Variants in KALRN observed in about 807,000 individuals in gnomAD.
KALRN encodes the protein kalirin RhoGEF kinase, also known as kalirin.
In KALRN, 70 loss-of-function variants were observed where a neutral mutation model predicts 353.7. The ratio of observed to expected loss-of-function variants is 0.20; its 90% confidence interval spans 0.16 to 0.24. KALRN has a LOEUF of 0.24. KALRN is among the 10% of genes least tolerant of loss of function. The pLI, the probability that KALRN is intolerant of heterozygous loss-of-function variation, is 1.00. For synonymous variants in KALRN, 1,391 were observed against 1,434.8 expected (o/e 0.97, Z 0.69); for missense variants, 2,791 against 3,756.7 (o/e 0.74, Z 6.72).
At chr3:124,260,227 T>C (rs1392861617) in intron 3 of KALRN, among the ~76,000 whole-genome samples, 3 of 152,216 alleles carry the variant, frequency 2.0e-5, no homozygotes, top group Non-Finnish European at 4.4e-5. Context: ...AAATAAAACA[T>C]GTTCTGTCCT....
intron 29 of KALRN, among the ~76,000 whole-genome samples, chr3:124,489,972 T>G (rs2062970119): frequency 1.3e-5 from 2 of 152,176 alleles, no homozygotes; most frequent in Non-Finnish European, 2.9e-5. Context: ...AAATGGAATA[T>G]AAGAATTAAG....
At chr3:124,213,376 T>C (rs1320109132) in intron 1 of KALRN, among the ~76,000 whole-genome samples, 1 of 152,132 alleles carries the variant, frequency 6.6e-6, no homozygotes, top group Non-Finnish European at 1.5e-5. Context: ...CAGATCTGTA[T>C]TAGGGCTATG....
chr3:124,660,680 C>CAAAAAAA (rs5852424), intron 43 of KALRN, among the ~76,000 whole-genome samples: 5 of 93,792 alleles, frequency 5.3e-5, no homozygotes, highest in African/African-American at 1.6e-4. Context: ...GACTATGTCT[C>CAAAAAAA]AAAAAAAAAA....
intron 1 of KALRN, among the ~76,000 whole-genome samples, chr3:124,121,742 A>G (rs2064047394): frequency 6.6e-6 from 1 of 152,220 alleles, no homozygotes; most frequent in Admixed American, 6.5e-5. Flanking sequence ...GGAATTCTCC[A>G]TAAGGCCATT....
chr3:124,348,326 TCACCCAGGGAGGCTCC>T (rs376603158), intron 10 of KALRN, among the ~76,000 whole-genome samples: 7 of 152,310 alleles, frequency 4.6e-5, no homozygotes, highest in African/African-American at 1.4e-4. Flanking sequence ...GCCCTGGGCC[TCACCCAGGGAGGCTCC>T]CAGCCCCAGA....
intron 10 of KALRN, among the ~76,000 whole-genome samples, chr3:124,366,256 G>T (rs2084678285): frequency 6.8e-6 from 1 of 148,116 alleles, no homozygotes; most frequent in South Asian, 2.2e-4. Context: ...TCACAGAGGG[G>T]GATTTGCCAG....
At chr3:124,432,683 A>G (rs753649986) in intron 16 of KALRN, among the ~76,000 whole-genome samples, 14 of 152,232 alleles carry the variant, frequency 9.2e-5, no homozygotes, top group Non-Finnish European at 1.5e-4. Flanking sequence ...ATGTATTCAC[A>G]GTGCTTGAAA....
intron 38 of KALRN, among the ~76,000 whole-genome samples, chr3:124,651,637 CTTT>C (rs66520052): frequency 0.12 from 15,267 of 130,402 alleles, 832 homozygotes; most frequent in African/African-American, 0.13. Context: ...TCTTTTCTAT[CTTT>C]TTTTTTTTTT....
At chr3:124,403,060 T>C (rs1298849196) in intron 13 of KALRN, among the ~76,000 whole-genome samples, 1 of 152,204 alleles carries the variant, frequency 6.6e-6, no homozygotes, top group Admixed American at 6.5e-5. Context: ...AAAGCAATAA[T>C]TTGAAATGTG....
At chr3:124,068,714 T>C (rs1367298135) in intron 1 of KALRN, among the ~76,000 whole-genome samples, 1 of 152,166 alleles carries the variant, frequency 6.6e-6, no homozygotes, top group Non-Finnish European at 1.5e-5. Context: ...ATTTACACCC[T>C]TTCCCCAGCA....
At chr3:124,433,027 T>G (rs781072503) in intron 16 of KALRN, among the ~76,000 whole-genome samples, 2 of 152,090 alleles carry the variant, frequency 1.3e-5, no homozygotes, top group Non-Finnish European at 2.9e-5. Context: ...CTTAAATGTT[T>G]CAGTTCAGAC....
At chr3:124,079,996 G>T (rs1302532223) in intron 1 of KALRN, 3 of 469,462 alleles carry the variant, frequency 6.4e-6, no homozygotes, top group Non-Finnish European at 1.3e-5. Context: ...ATGCTTCTCA[G>T]AATCCCCATA....
intron 34 of KALRN, among the ~76,000 whole-genome samples, chr3:124,613,314 G>A (rs999763116): frequency 6.6e-6 from 1 of 152,174 alleles, no homozygotes; most frequent in Non-Finnish European, 1.5e-5. Context: ...TTATCCGTTG[G>A]TCTCTGAAGA....
rs866165615 is a variant in KALRN, at chr3:124,105,666, T to A, written c.73+71853T>A. ...GGTGACAGAAGGCATTGGTGACTACTTACAGCATTGTTTCAGCACCTCAAT... is the reference window on the plus strand; with the variant it reads ...GGTGACAGAAGGCATTGGTGACTACATACAGCATTGTTTCAGCACCTCAAT... On this transcript the variant is annotated intron_variant, in intron 1 of 59. Coordinates refer to ENST00000682506, the MANE Select transcript of KALRN (RefSeq NM_001388419.1). 6.6e-5 allele frequency among the ~76,000 whole-genome samples: 10 copies of A among 152,290 alleles called. No individual in the cohort carries two copies. The South Asian group carries it at 1.9e-3, about 28-fold the overall frequency.
intron 1 of KALRN, among the ~76,000 whole-genome samples, chr3:124,118,785 A>G (rs1439212379): frequency 6.6e-6 from 1 of 152,226 alleles, no homozygotes; most frequent in Non-Finnish European, 1.5e-5. Flanking sequence ...CCGTCTTCTC[A>G]TTTAATTGTC....
intron 27 of KALRN, among the ~76,000 whole-genome samples, chr3:124,482,345 T>G (rs925212967): frequency 2.0e-5 from 3 of 152,178 alleles, no homozygotes; most frequent in African/African-American, 7.2e-5. Context: ...CCTTGTGCTA[T>G]TTTAAGGAGA....
intron 1 of KALRN, among the ~76,000 whole-genome samples, chr3:124,185,336 A>C (rs554702889): frequency 2.4e-4 from 37 of 152,336 alleles, no homozygotes; most frequent in South Asian, 6.2e-4. Context: ...GCAACAAGCT[A>C]CCAAAACTTA....
chr3:124,371,693 A>G (rs1309974625), intron 10 of KALRN, among the ~76,000 whole-genome samples: 2 of 152,198 alleles, frequency 1.3e-5, no homozygotes, highest in African/African-American at 2.4e-5. Flanking sequence ...GTATATATTT[A>G]TGATGTACAT....
intron 16 of KALRN, among the ~76,000 whole-genome samples, chr3:124,433,563 A>C (rs1270360549): frequency 2.0e-5 from 3 of 148,180 alleles, no homozygotes; most frequent in Non-Finnish European, 3.0e-5. Context: ...ATTGCACTGC[A>C]CTTCAGCCTC....
Sources: allele counts gnomAD v4.1 joint callset (sites outside exome capture counted in the v4.1 genomes callset), GRCh38; gene constraint gnomAD v4.1.1; transcripts MANE v1.5; gene names NCBI Gene and HGNC (gene_info 2026-07-23, HGNC 2026-07-21).